Variants in AKR1E2 observed in about 807,000 individuals in gnomAD.
The protein encoded by AKR1E2 is 1,5-anhydro-D-fructose reductase.
A neutral mutation model predicts 41.9 loss-of-function variants in AKR1E2; 43 were observed. The ratio of observed to expected loss-of-function variants is 1.03; its 90% CI spans 0.80 to 1.32. The LOEUF (loss-of-function observed/expected upper bound fraction) is 1.32, where lower values mean the gene tolerates loss of function less well. Ranked by LOEUF, AKR1E2 falls within the 40% of genes most tolerant of loss-of-function variation. The pLI is 0.00. For missense variants in AKR1E2, 423 were observed against 396.5 expected (o/e 1.07, Z -0.57); for synonymous variants, 121 against 138.9 (o/e 0.87, Z 0.91).
At chr10:4,849,030 G>GT (rs1834474436), downstream of AKR1E2, among the ~76,000 whole-genome samples, 2 of 152,210 alleles carry the variant, frequency 1.3e-5, no homozygotes, top group African/African-American at 4.8e-5. Flanking sequence ...GTGCAGGGAT[G>GT]TGTAGAAACC....
intron 3 of AKR1E2, among the ~76,000 whole-genome samples, chr10:4,835,195 G>C (rs2044155079): frequency 6.6e-6 from 1 of 152,216 alleles, no homozygotes; most frequent in South Asian, 2.1e-4. Context: ...GCCCTTTCAA[G>C]ATGTATCTCT....
At chr10:4,846,210 C>T (rs1211565248) in intron 8 of AKR1E2, 16 of 237,462 alleles carry the variant, frequency 6.7e-5, no homozygotes. Flanking sequence ...TGGGGAAGAG[C>T]CTGGGGTGCT....
At chr10:4,868,472 G>T in the AKR1E2 span, among the ~76,000 whole-genome samples, 2 of 152,182 alleles carry the variant, frequency 1.3e-5, no homozygotes, top group African/African-American at 2.4e-5. Context: ...ACATAAGCCC[G>T]TGGAATTTTC....
chr10:4,856,791 G>A, the AKR1E2 span, among the ~76,000 whole-genome samples: 2 of 152,154 alleles, frequency 1.3e-5, no homozygotes, highest in African/African-American at 4.8e-5. Flanking sequence ...GTTTTTGACT[G>A]TAACTGTCCT....
rs4518987 is a variant in AKR1E2, at chr10:4,842,019, C to T, written c.753+162C>T. Among the ~76,000 whole-genome samples, 5,303 of 152,230 alleles carry T rather than the reference C, an allele frequency of 0.035. 148 individuals carry two copies. The highest frequency in any genetic ancestry group is 0.11 in the East Asian group (592 of 5,170). The stretch of plus-strand genomic sequence containing the variant: ...CGTCAAGCAGAATTTGGTCTGCAGC[C>T]GCATTTCTAGTCACTCAAGCCATGT... On this transcript the variant is annotated intron_variant, in intron 7 of 9. Coordinates refer to ENST00000298375, the MANE Select transcript of AKR1E2 (RefSeq NM_001040177.3).
rs752763637 is a variant in AKR1E2, at chr10:4,830,837, A to C, written c.202A>C (p.Thr68Pro). 6.2e-6 allele frequency: 10 copies of C among 1,613,976 alleles called. No individual in the cohort carries two copies. The East Asian group carries it at 1.8e-4, about 29-fold the overall frequency. ...AAGACGGGAGGATCTGTTCATTGCC[A>C]CTAAGGTAGGGCTTCTCTATGCAAG... ...AVRREDLFIA[T>P]KLWCTCHKKS... The change falls in exon 2 of 10, where the codon ACT becomes CCT. Residue 68 changes from threonine (T) to proline (P), a missense_variant. Coordinates refer to ENST00000298375, the MANE Select transcript of AKR1E2 (RefSeq NM_001040177.3).
At chr10:4,833,233 G>T in intron 2 of AKR1E2, 117 bp from the exon 3 acceptor site, 2 of 768,538 alleles carry the variant, frequency 2.6e-6, no homozygotes, top group Non-Finnish European at 4.6e-6. Flanking sequence ...TGTTGTATTT[G>T]TGGTCATCTC....
chr10:4,855,057 C>A, the AKR1E2 span, among the ~76,000 whole-genome samples: 2 of 152,152 alleles, frequency 1.3e-5, no homozygotes, highest in African/African-American at 4.8e-5. Context: ...GATGGGACTG[C>A]TGGAAAAGAT....
Position 4,837,452 on chromosome 10 carries a change from C to T in AKR1E2, c.460-7C>T, listed in dbSNP as rs746359687. 1.2e-6 allele frequency: 2 copies of T among 1,613,544 alleles called. No individual in the cohort carries two copies. Among genetic ancestry groups the T allele is most frequent in the African/African-American group, 1.3e-5 (1 of 74,918 alleles). On this transcript the variant is annotated splice_polypyrimidine_tract_variant and splice_region_variant and intron_variant, in intron 4 of 9. Transcript: ENST00000298375. ...GCTTCACACCCAGCAGAGTCGTTCTCTTATAGGCCATGGAGGACCTGGTGA... is the reference window on the plus strand; with the variant it reads ...GCTTCACACCCAGCAGAGTCGTTCTTTTATAGGCCATGGAGGACCTGGTGA...
chr10:4,836,086 TA>T (rs1159156772), intron 4 of AKR1E2, among the ~76,000 whole-genome samples: 1 of 152,208 alleles, frequency 6.6e-6, no homozygotes, highest in East Asian at 1.9e-4. Flanking sequence ...ATTTTTTTAT[TA>T]AAAACCATAT....
intron 2 of AKR1E2, among the ~76,000 whole-genome samples, 170 bp downstream of exon 2, chr10:4,831,012 T>G (rs931506833): frequency 1.3e-5 from 2 of 152,228 alleles, no homozygotes; most frequent in Non-Finnish European, 2.9e-5. Flanking sequence ...CAGGTTTGTT[T>G]CATATTATTT....
the AKR1E2 span, among the ~76,000 whole-genome samples, chr10:4,870,165 T>C: frequency 6.6e-6 from 1 of 152,092 alleles, no homozygotes; most frequent in Non-Finnish European, 1.5e-5. Context: ...ATTGGTGTCA[T>C]TATCTTATCA....
chr10:4,839,718 TTC>T lies in AKR1E2; in HGVS notation c.583-9_583-8del. On this transcript the variant is annotated splice_polypyrimidine_tract_variant and intron_variant, in intron 5 of 9. Coordinates refer to ENST00000298375, the MANE Select transcript of AKR1E2 (RefSeq NM_001040177.3). ...GGTCTGAATTTTATGTAAGCTATGA[TTC>T]TGTTATAGATTGAGTGCCACCCATA... The T allele has an allele frequency of 6.2e-7, 1 of 1,609,542 alleles. No homozygotes were observed. The highest frequency in any genetic ancestry group is 8.5e-7 in the Non-Finnish European group (1 of 1,175,796).
intron 1 of AKR1E2, among the ~76,000 whole-genome samples, chr10:4,828,558 C>T (rs1832724614): frequency 6.6e-6 from 1 of 152,130 alleles, no homozygotes; most frequent in Non-Finnish European, 1.5e-5. Flanking sequence ...CCTTACTCTC[C>T]ACTGTAAGTT....
rs775033659 is a variant in AKR1E2, at chr10:4,839,812, T to A, written c.666T>A (p.Pro222=). 1.9e-6 allele frequency: 3 copies of A among 1,614,064 alleles called. No homozygotes were observed. The South Asian group carries it at 3.3e-5, about 18-fold the overall frequency. ...ATGTGTCCGTGACTGCTTACCGTCCTCTTGGTGGCTCGTGGTAAGGATACC... is the reference window on the plus strand; with the variant it reads ...ATGTGTCCGTGACTGCTTACCGTCCACTTGGTGGCTCGTGGTAAGGATACC... The part of the protein sequence containing the change: ...SRDVSVTAYR[P]LGGSCEGVDL... Residue 222 remains proline, a synonymous_variant, in exon 6 of 10, where the codon CCT becomes CCA. Transcript: ENST00000298375.
the AKR1E2 span, among the ~76,000 whole-genome samples, chr10:4,866,431 T>A: frequency 2.6e-5 from 4 of 152,312 alleles, no homozygotes; most frequent in African/African-American, 9.6e-5. Flanking sequence ...AATATTACCA[T>A]CTTGCAAACC....
chr10:4,828,199 G>A (rs1007741608), intron 1 of AKR1E2, among the ~76,000 whole-genome samples: 8 of 152,186 alleles, frequency 5.3e-5, no homozygotes, highest in Admixed American at 3.3e-4. Context: ...GCAGCTCTGT[G>A]GACCTTGGCT....
At chr10:4,847,121 T>C (rs765594376) in intron 8 of AKR1E2, 27 bp from the exon 9 acceptor site, 12 of 1,613,752 alleles carry the variant, frequency 7.4e-6, no homozygotes, top group South Asian at 1.1e-5. Context: ...AACTAAGTTT[T>C]CTACAAACAT....
chr10:4,871,449 G>A, the AKR1E2 span, among the ~76,000 whole-genome samples: 1 of 152,090 alleles, frequency 6.6e-6, no homozygotes, highest in Admixed American at 6.6e-5. Context: ...TAATATATTT[G>A]TATAGTGTGG....
Sources: allele counts gnomAD v4.1 joint callset (sites outside exome capture counted in the v4.1 genomes callset), GRCh38; gene constraint gnomAD v4.1.1; transcripts MANE v1.5; gene names NCBI Gene and HGNC (gene_info 2026-07-23, HGNC 2026-07-21).